RABGAP1L: variants seen among roughly 807,000 people sequenced by gnomAD.
The protein encoded by RABGAP1L is rab GTPase-activating protein 1-like.
In RABGAP1L, 63 loss-of-function variants were observed where a neutral mutation model predicts 137.7. That is an observed-to-expected ratio of 0.46 (90% CI 0.37 to 0.56). RABGAP1L has a LOEUF of 0.56. Among genes scored for constraint, RABGAP1L ranks in the 20% least tolerant of loss-of-function variants. RABGAP1L has a pLI of 0.00. For synonymous variants in RABGAP1L, 431 were observed against 433.7 expected (o/e 0.99, Z 0.08); for missense variants, 1,095 against 1,244.0 (o/e 0.88, Z 1.80).
At chr1:174,313,455 A>G (rs747156760) in intron 11 of RABGAP1L, among the ~76,000 whole-genome samples, 27 of 152,122 alleles carry the variant, frequency 1.8e-4, no homozygotes, top group Non-Finnish European at 3.2e-4. Flanking sequence ...TGCCCTTTAT[A>G]TCTTTGTCCT....
At chr1:174,502,292 A>T (rs900834871) in intron 13 of RABGAP1L, among the ~76,000 whole-genome samples, 9 of 151,658 alleles carry the variant, frequency 5.9e-5, no homozygotes, top group Admixed American at 5.9e-4. Context: ...CTCTGGAGAA[A>T]CTGACTATTC....
chr1:174,301,162 C>G (rs141136508), intron 10 of RABGAP1L, among the ~76,000 whole-genome samples: 28 of 151,970 alleles, frequency 1.8e-4, no homozygotes, highest in African/African-American at 6.5e-4. Context: ...GCCAGTTGTT[C>G]CAAGTGCTGA....
chr1:174,721,244 A>G (rs887616646), intron 17 of RABGAP1L, among the ~76,000 whole-genome samples: 1 of 152,214 alleles, frequency 6.6e-6, no homozygotes, highest in Non-Finnish European at 1.5e-5. Flanking sequence ...CTTTCTCTGG[A>G]GGAACAAGAA....
At chr1:174,622,954 G>A (rs1431740169) in intron 13 of RABGAP1L, among the ~76,000 whole-genome samples, 1 of 152,114 alleles carries the variant, frequency 6.6e-6, no homozygotes, top group Admixed American at 6.6e-5. Flanking sequence ...GAAGTTTCAG[G>A]TGGTACTTTA....
intron 13 of RABGAP1L, among the ~76,000 whole-genome samples, chr1:174,523,790 A>G (rs1218004678): frequency 1.3e-5 from 2 of 151,792 alleles, no homozygotes; most frequent in Non-Finnish European, 2.9e-5. Flanking sequence ...TCCACCTCCC[A>G]CCATCACGCT....
chr1:174,210,519 A>C (rs902988893), intron 1 of RABGAP1L, among the ~76,000 whole-genome samples: 5 of 152,230 alleles, frequency 3.3e-5, no homozygotes, highest in Non-Finnish European at 7.3e-5. Context: ...ACTTGAAGAT[A>C]GGCCATTTGA....
intron 14 of RABGAP1L, among the ~76,000 whole-genome samples, chr1:174,654,138 G>C (rs1359762048): frequency 6.6e-6 from 1 of 152,178 alleles, no homozygotes; most frequent in Non-Finnish European, 1.5e-5. Flanking sequence ...ATGGTGAGTC[G>C]TCAGCCAAAG....
At chr1:174,918,201 C>T (rs1486366982) in intron 19 of RABGAP1L, among the ~76,000 whole-genome samples, 1 of 146,738 alleles carries the variant, frequency 6.8e-6, no homozygotes, top group Non-Finnish European at 1.5e-5. Flanking sequence ...CCAGTTCTGT[C>T]ACTCATCGGG....
intron 13 of RABGAP1L, among the ~76,000 whole-genome samples, chr1:174,615,709 C>A (rs983670590): frequency 6.6e-6 from 1 of 152,208 alleles, no homozygotes; most frequent in Non-Finnish European, 1.5e-5. Context: ...GGCAGGCCTC[C>A]TTGAGCTGTG....
intron 19 of RABGAP1L, among the ~76,000 whole-genome samples, chr1:174,876,508 T>C (rs1452971542): frequency 6.6e-6 from 1 of 152,184 alleles, no homozygotes; most frequent in Non-Finnish European, 1.5e-5. Context: ...TCAAGCAACT[T>C]TGTAATGGTG....
chr1:174,629,624 G>A (rs944262477), intron 13 of RABGAP1L, among the ~76,000 whole-genome samples: 24 of 152,202 alleles, frequency 1.6e-4, no homozygotes, highest in African/African-American at 5.1e-4. Context: ...CCAGGTTCAA[G>A]CGATTCTCCT....
intron 1 of RABGAP1L, among the ~76,000 whole-genome samples, chr1:174,196,231 T>C (rs1237340687): frequency 7.5e-5 from 11 of 147,068 alleles, no homozygotes; most frequent in South Asian, 2.1e-4. Flanking sequence ...TTCTTTCTTT[T>C]TTTTTTTTTT....
intron 14 of RABGAP1L, among the ~76,000 whole-genome samples, chr1:174,683,250 C>A (rs934681537): frequency 6.6e-6 from 1 of 151,942 alleles, no homozygotes; most frequent in South Asian, 2.1e-4. Context: ...CATAATAGAT[C>A]TTTTAATATT....
At chr1:174,237,823 A>C (rs12074460) in intron 4 of RABGAP1L, among the ~76,000 whole-genome samples, 17 of 150,296 alleles carry the variant, frequency 1.1e-4, no homozygotes, top group African/African-American at 3.7e-4. Flanking sequence ...GGCCTGCCTT[A>C]CTAGATTGGG....
At chr1:174,358,343 A>G (rs1683821005) in intron 11 of RABGAP1L, among the ~76,000 whole-genome samples, 1 of 152,216 alleles carries the variant, frequency 6.6e-6, no homozygotes, top group African/African-American at 2.4e-5. Context: ...GGCACAGTGG[A>G]GTTCTGAGTC....
intron 1 of RABGAP1L, among the ~76,000 whole-genome samples, chr1:174,194,758 C>T (rs1667450055): frequency 6.6e-6 from 1 of 152,128 alleles, no homozygotes; most frequent in Non-Finnish European, 1.5e-5. Flanking sequence ...AAGAGACAGA[C>T]AACAGATAGG....
At chr1:174,532,951 A>G (rs1190344710) in intron 13 of RABGAP1L, among the ~76,000 whole-genome samples, 1 of 152,140 alleles carries the variant, frequency 6.6e-6, no homozygotes, top group Middle Eastern at 3.2e-3. Context: ...AATAAACACT[A>G]TAGCCGGGCA....
chr1:174,475,596 C>G (rs979822683), intron 13 of RABGAP1L, among the ~76,000 whole-genome samples: 1 of 151,570 alleles, frequency 6.6e-6, no homozygotes, highest in Non-Finnish European at 1.5e-5. Context: ...GGATGCCAAG[C>G]AAGGATTTAT....
chr1:174,972,840 C>T (rs1044185703), intron 21 of RABGAP1L, among the ~76,000 whole-genome samples: 1 of 102,026 alleles, frequency 9.8e-6, no homozygotes, highest in African/African-American at 4.3e-5. Context: ...GGTGACAGAG[C>T]GAGACTCTGT....
Sources: gnomAD v4.1 joint callset for allele counts (sites outside exome capture counted in the v4.1 genomes callset) on GRCh38, gnomAD v4.1.1 for gene constraint, MANE v1.5 for transcripts, NCBI Gene and HGNC (gene_info 2026-07-23, HGNC 2026-07-21) for gene names.